Variants in SLC38A1 observed in about 807,000 individuals in gnomAD.
The protein encoded by SLC38A1 is sodium-coupled neutral amino acid symporter 1.
SLC38A1 carries 18 observed loss-of-function variants against 60.3 expected under a neutral mutation model. That is an observed-to-expected ratio of 0.30 (90% CI 0.21 to 0.44). The LOEUF (loss-of-function observed/expected upper bound fraction) is 0.44. Ranked by LOEUF, SLC38A1 falls within the 20% of genes least tolerant of loss-of-function variation. The pLI, the probability that SLC38A1 is intolerant of heterozygous loss-of-function variation, is 1.00. For synonymous variants in SLC38A1, 196 were observed against 212.1 expected (o/e 0.92, Z 0.66); for missense variants, 448 against 587.2 (o/e 0.76, Z 2.45).
At chr12:46,206,024 A>C in intron 9 of SLC38A1, 56 bp downstream of exon 9, 2 of 1,039,930 alleles carry the variant, frequency 1.9e-6, no homozygotes, top group Non-Finnish European at 3.0e-6. Flanking sequence ...ATTTTTATTC[A>C]GTTTCTGATT....
At chr12:46,207,856 G>A (rs746032460) in intron 6 of SLC38A1, among the ~76,000 whole-genome samples, 39 of 152,254 alleles carry the variant, frequency 2.6e-4, no homozygotes, top group Non-Finnish European at 4.9e-4. Context: ...TTGGCTACCA[G>A]AGCATTACAA....
chr12:46,237,903 C>T (rs1030955917), intron 3 of SLC38A1, among the ~76,000 whole-genome samples: 5 of 151,838 alleles, frequency 3.3e-5, no homozygotes, highest in East Asian at 1.9e-4. Context: ...GAGTACAGCA[C>T]ATAAAATGGC....
rs1816231876 is a variant in SLC38A1, at chr12:46,237,609, C to T, written c.122+2070G>A. Reference sequence around the variant, plus strand: ...GAGCCTATAGGGAAGTGAGCTCATCCAGGCAAGGTGCCTAAGTTGCGGGTG... The same window carrying T: ...GAGCCTATAGGGAAGTGAGCTCATCTAGGCAAGGTGCCTAAGTTGCGGGTG... On this transcript the variant is annotated intron_variant, in intron 3 of 16. Transcript: ENST00000398637. Among the ~76,000 whole-genome samples the T allele has an allele frequency of 1.3e-5, 2 of 151,824 alleles. 1 individual carries two copies. The highest frequency in any genetic ancestry group is 4.9e-5 in the African/African-American group (2 of 41,086).
At chr12:46,229,720 T>C (rs1279802777) in intron 3 of SLC38A1, 81 bp from the exon 4 acceptor site, 1 of 1,221,626 alleles carries the variant, frequency 8.2e-7, no homozygotes, top group Non-Finnish European at 1.2e-6. Flanking sequence ...ATGTTACTCA[T>C]CAAAACATAC....
At chr12:46,191,211 T>G (rs1322833984) in intron 16 of SLC38A1, among the ~76,000 whole-genome samples, 1 of 152,232 alleles carries the variant, frequency 6.6e-6, no homozygotes, top group Non-Finnish European at 1.5e-5. Context: ...ATTTCTTGTT[T>G]TTGTCAGGTT....
intron 16 of SLC38A1, among the ~76,000 whole-genome samples, chr12:46,196,687 C>G (rs942389100): frequency 1.3e-5 from 2 of 152,130 alleles, no homozygotes; most frequent in Non-Finnish European, 2.9e-5. Context: ...TCATCTGGAT[C>G]TGTTGACTCA....
intron 16 of SLC38A1, chr12:46,196,151 A>G: frequency 1.3e-6 from 2 of 1,536,038 alleles, no homozygotes; most frequent in Non-Finnish European, 1.7e-6. Context: ...TAAATCCAGA[A>G]TCCAGAGAAC....
chr12:46,247,744 A>C (rs1941671380), intron 1 of SLC38A1, among the ~76,000 whole-genome samples: 1 of 152,232 alleles, frequency 6.6e-6, no homozygotes, highest in African/African-American at 2.4e-5. Context: ...CAGATTCACC[A>C]AAGTTGAAAT....
At chr12:46,261,258 G>T (rs1366625876) in intron 1 of SLC38A1, among the ~76,000 whole-genome samples, 3 of 152,148 alleles carry the variant, frequency 2.0e-5, no homozygotes, top group African/African-American at 7.2e-5. Context: ...ATACCTCCTG[G>T]GGGCAGGGAG....
chr12:46,203,792 G>C (rs908409345), intron 11 of SLC38A1, among the ~76,000 whole-genome samples: 1 of 152,196 alleles, frequency 6.6e-6, no homozygotes, highest in Non-Finnish European at 1.5e-5. Flanking sequence ...ATACAGAATA[G>C]AATACTTATT....
intron 5 of SLC38A1, among the ~76,000 whole-genome samples, chr12:46,225,293 C>T (rs1180075213): frequency 6.6e-6 from 1 of 152,134 alleles, no homozygotes; most frequent in African/African-American, 2.4e-5. Context: ...CAAGAAATAG[C>T]TAGATTCCCC....
chr12:46,258,760 T>C (rs1942110034), intron 1 of SLC38A1, among the ~76,000 whole-genome samples: 1 of 152,212 alleles, frequency 6.6e-6, no homozygotes, highest in African/African-American at 2.4e-5. Flanking sequence ...TTCAAGAGAA[T>C]CTCCTGCTTC....
rs1942442344 is a variant in SLC38A1 at position 46,268,627 on chromosome 12, G to C, written c.-310C>G. ...TTGATGTCCTTTGTGTCAAGGTCTG[G>C]CTGCGGAGGCCGGGAAAATGTGGCC... is the stretch of plus-strand genomic sequence containing the variant. On this transcript the variant is annotated 5_prime_UTR_variant, in exon 1 of 17. Transcript: ENST00000398637. The surrounding 1 kb of genome is among the most constrained non-coding windows in gnomAD (Gnocchi z 4.4). The C allele has an allele frequency of 4.2e-6, 1 of 237,508 alleles. No homozygotes were observed. The highest frequency in any genetic ancestry group is 2.3e-5 in the African/African-American group (1 of 44,068). The allele number at this position is 237,508 out of a possible 1,614,324, so 14.7% of individuals were successfully genotyped here. A position where few individuals can be genotyped will look rare whatever the true frequency, so the allele number is the denominator to read the frequency against.
chr12:46,227,052 A>C (rs1383537680), intron 5 of SLC38A1, among the ~76,000 whole-genome samples: 1 of 152,116 alleles, frequency 6.6e-6, no homozygotes, highest in Non-Finnish European at 1.5e-5. Flanking sequence ...AGTTTCCAAA[A>C]AAAAAAAAAA....
chr12:46,229,475 C>T, intron 4 of SLC38A1, 89 bp downstream of exon 4: 1 of 1,045,714 alleles, frequency 9.6e-7, no homozygotes, highest in Non-Finnish European at 1.5e-6. Flanking sequence ...GGTAGTTATG[C>T]TTTTGGTACT....
At chr12:46,240,045 T>A (rs1447487048) in intron 2 of SLC38A1, 152 bp from the exon 3 acceptor site, 2 of 469,628 alleles carry the variant, frequency 4.3e-6, no homozygotes, top group Non-Finnish European at 7.7e-6. Flanking sequence ...TCTATCAAGT[T>A]ATGGAGGTGT....
At chr12:46,250,529 G>T (rs1941798911) in intron 1 of SLC38A1, among the ~76,000 whole-genome samples, 1 of 152,154 alleles carries the variant, frequency 6.6e-6, no homozygotes, top group African/African-American at 2.4e-5. Flanking sequence ...ATTCAATTAG[G>T]AAAAGACAAA....
Position 46,227,108 on chromosome 12 carries a change from A to G in SLC38A1, c.314+2045T>C, listed in dbSNP as rs989668355. On this transcript the variant is annotated intron_variant, in intron 5 of 16. Transcript: ENST00000398637. ...ATAAAAGATCAGGAATCAGAAGCAT[A>G]TAGGACTTCACAACAGAAAAAAGCT... Among the ~76,000 whole-genome samples the G allele has an allele frequency of 1.4e-4, 22 of 152,326 alleles. No homozygotes were observed. The Middle Eastern group carries it at 0.017, about 118-fold the overall frequency.
chr12:46,225,096 T>C (rs1394572059), intron 5 of SLC38A1, among the ~76,000 whole-genome samples: 1 of 152,116 alleles, frequency 6.6e-6, no homozygotes, highest in African/African-American at 2.4e-5. Context: ...TAAAATATAA[T>C]AGTAGACAAT....
Sources: gnomAD v4.1 joint callset for allele counts (sites outside exome capture counted in the v4.1 genomes callset) on GRCh38, gnomAD v4.1.1 for gene constraint, Gnocchi (gnomAD v3.1) non-coding constraint, MANE v1.5 for transcripts, NCBI Gene and HGNC (gene_info 2026-07-23, HGNC 2026-07-21) for gene names.